The following CTNNA3 variants were observed in gnomAD, a reference collection of about 807,000 sequenced individuals.
The protein encoded by CTNNA3 is catenin alpha-3.
In CTNNA3, 76 loss-of-function variants were observed where a neutral mutation model predicts 95.7. The observed-to-expected ratio is 0.79, with a 90% CI of 0.66 to 0.96. CTNNA3 has a LOEUF of 0.96. CTNNA3 is among the 40% of genes least tolerant of loss of function. CTNNA3 has a pLI of 0.00. For synonymous variants in CTNNA3, 431 were observed against 374.4 expected (o/e 1.15, Z -1.74); for missense variants, 1,191 against 1,089.8 (o/e 1.09, Z -1.31).
intron 17 of CTNNA3, among the ~76,000 whole-genome samples, chr10:65,952,564 C>T (rs1469349720): frequency 3.3e-5 from 5 of 151,204 alleles, no homozygotes; most frequent in Non-Finnish European, 7.4e-5. Context: ...TTTAATTTTC[C>T]CTGTTTTCTT....
chr10:66,518,300 T>G (rs1216837854), intron 11 of CTNNA3, among the ~76,000 whole-genome samples: 1 of 152,124 alleles, frequency 6.6e-6, no homozygotes, highest in Non-Finnish European at 1.5e-5. Flanking sequence ...GCTCTAATCA[T>G]GCAAAGATTG....
chr10:66,081,212 A>T (rs181130860), intron 14 of CTNNA3, among the ~76,000 whole-genome samples: 1 of 152,308 alleles, frequency 6.6e-6, no homozygotes, highest in East Asian at 1.9e-4. Flanking sequence ...GCCACCTGAC[A>T]CTGGCAAGTA....
intron 14 of CTNNA3, among the ~76,000 whole-genome samples, chr10:66,099,173 A>G (rs758130084): frequency 6.6e-6 from 1 of 152,194 alleles, no homozygotes; most frequent in Non-Finnish European, 1.5e-5. Context: ...AAACAGCAAC[A>G]ACAAAAAAGA....
In CTNNA3 at chr10:66,972,375, C is replaced by CA. The variant is rs770963229; in HGVS notation, c.1048-196852dup. On this transcript the variant is annotated intron_variant, in intron 7 of 17. Coordinates refer to ENST00000433211, the MANE Select transcript of CTNNA3 (RefSeq NM_013266.4). ...AGGTCTATGTTGCCCAGGCTTGCCT[C>CA]AAACTACTGGGCTCAAGCAGTCCTC... Among the ~76,000 whole-genome samples, 107 of 152,226 alleles carry CA rather than the reference C, an allele frequency of 7.0e-4. 1 individual carries two copies. Among genetic ancestry groups the CA allele is most frequent in the Non-Finnish European group, 1.3e-3 (88 of 68,028 alleles).
intron 13 of CTNNA3, among the ~76,000 whole-genome samples, chr10:66,147,608 G>GTTTTTTT (rs34193216): frequency 9.5e-5 from 10 of 105,782 alleles, no homozygotes; most frequent in Non-Finnish European, 1.5e-4. Flanking sequence ...GTTGCTTTCA[G>GTTTTTTT]TTTTTTTTTT....
intron 3 of CTNNA3, among the ~76,000 whole-genome samples, chr10:67,562,676 T>C (rs1400551152): frequency 6.6e-6 from 1 of 152,096 alleles, no homozygotes; most frequent in Non-Finnish European, 1.5e-5. Flanking sequence ...GGGTATTCAA[T>C]TAGGAAAAGA....
intron 7 of CTNNA3, among the ~76,000 whole-genome samples, chr10:67,056,341 A>T (rs1006517359): frequency 1.3e-5 from 2 of 152,162 alleles, no homozygotes; most frequent in African/African-American, 4.8e-5. Context: ...AGTTACTTCT[A>T]TGCATAATTG....
chr10:65,995,192 TTA>T (rs2078631124), intron 15 of CTNNA3, among the ~76,000 whole-genome samples: 1 of 152,202 alleles, frequency 6.6e-6, no homozygotes, highest in Non-Finnish European at 1.5e-5. Flanking sequence ...TGGACAATTA[TTA>T]TGTTTCTTTA....
intron 13 of CTNNA3, among the ~76,000 whole-genome samples, chr10:66,137,254 CT>C (rs1252476507): frequency 2.0e-5 from 3 of 152,084 alleles, no homozygotes; most frequent in African/African-American, 7.2e-5. Flanking sequence ...ACAATATCAG[CT>C]TCATAGCACT....
Position 65,919,812 on chromosome 10 carries a change from T to A in CTNNA3, c.*518A>T, listed in dbSNP as rs1255725819. 1.3e-5 allele frequency: 2 copies of A among 154,014 alleles called. No individual in the cohort carries two copies. Among genetic ancestry groups the A allele is most frequent in the Non-Finnish European group, 2.9e-5 (2 of 69,290 alleles). The allele number at this position is 154,014 out of a possible 1,614,324, so 9.5% of individuals were successfully genotyped here. ...AGCTATCTAGAGATTAAAAGGTGGTTTTTTTGCTATGGCAGGAATCATACA... is the reference window on the plus strand; with the variant it reads ...AGCTATCTAGAGATTAAAAGGTGGTATTTTTGCTATGGCAGGAATCATACA... On this transcript the variant is annotated 3_prime_UTR_variant, in exon 18 of 18. Transcript: ENST00000433211.
At chr10:66,532,631 C>T (rs1029374439) in intron 10 of CTNNA3, among the ~76,000 whole-genome samples, 4 of 152,058 alleles carry the variant, frequency 2.6e-5, no homozygotes, top group Non-Finnish European at 5.9e-5. Flanking sequence ...CTGTGTCTAC[C>T]ATTTATCTAA....
intron 10 of CTNNA3, among the ~76,000 whole-genome samples, chr10:66,595,634 G>C (rs1173328594): frequency 6.6e-6 from 1 of 151,954 alleles, no homozygotes; most frequent in African/African-American, 2.4e-5. Flanking sequence ...ACCGCACCCA[G>C]CCTGTTGATT....
At chr10:67,374,151 T>C (rs1004599684) in intron 5 of CTNNA3, among the ~76,000 whole-genome samples, 5 of 152,318 alleles carry the variant, frequency 3.3e-5, no homozygotes, top group African/African-American at 7.2e-5. Context: ...AAGAGCCAGA[T>C]ACTAAATATT....
At chr10:67,421,527 TTG>T (rs1845749366) in intron 5 of CTNNA3, among the ~76,000 whole-genome samples, 1 of 152,198 alleles carries the variant, frequency 6.6e-6, no homozygotes, top group Non-Finnish European at 1.5e-5. Flanking sequence ...ACCTTTCCCA[TTG>T]TCACATGGGG....
At chr10:67,623,485 A>G (rs1589501751) in intron 2 of CTNNA3, among the ~76,000 whole-genome samples, 1 of 152,158 alleles carries the variant, frequency 6.6e-6, no homozygotes, top group South Asian at 2.1e-4. Context: ...GAGGTTCTTC[A>G]TAGGAGCCAG....
intron 6 of CTNNA3, among the ~76,000 whole-genome samples, chr10:67,213,624 T>C (rs55861440): frequency 0.043 from 6,560 of 151,886 alleles, 178 homozygotes; most frequent in South Asian, 0.088. Flanking sequence ...CGCTCAAGTT[T>C]TGTTGTTATT....
At chr10:66,199,765 CTATA>C (rs59585958) in intron 13 of CTNNA3, among the ~76,000 whole-genome samples, 744 of 30,448 alleles carry the variant, frequency 0.024, 9 homozygotes, top group Non-Finnish European at 0.031. Context: ...CCACGCCTGG[CTATA>C]TATATATATA....
intron 11 of CTNNA3, among the ~76,000 whole-genome samples, chr10:66,468,427 T>G (rs1227180923): frequency 6.6e-6 from 1 of 151,962 alleles, no homozygotes; most frequent in South Asian, 2.1e-4. Context: ...TTTAAAAGTT[T>G]GATATGTACA....
chr10:67,313,089 T>C (rs973880650), intron 5 of CTNNA3, among the ~76,000 whole-genome samples: 1 of 152,150 alleles, frequency 6.6e-6, no homozygotes, highest in Non-Finnish European at 1.5e-5. Flanking sequence ...TATAAGCTGT[T>C]ATTGATAGTA....
Sources: allele counts gnomAD v4.1 joint callset (sites outside exome capture counted in the v4.1 genomes callset), GRCh38; gene constraint gnomAD v4.1.1; transcripts MANE v1.5; gene names NCBI Gene and HGNC (gene_info 2026-07-23, HGNC 2026-07-21).